Variants in CCDC60 observed in about 807,000 individuals in gnomAD.
CCDC60 encodes the protein coiled-coil domain containing 60.
Under a neutral mutation model 63.5 loss-of-function variants are expected in CCDC60, and 54 were observed. That is an observed-to-expected ratio of 0.85 (90% CI 0.68 to 1.07). The LOEUF is 1.07. Ranked by LOEUF, CCDC60 falls within the 50% of genes least tolerant of loss-of-function variation. The probability of loss-of-function intolerance (pLI) is 0.00; values close to 1 mark genes in which losing one functional copy is unlikely to be tolerated. For missense variants in CCDC60, 651 were observed against 684.3 expected (o/e 0.95, Z 0.54); for synonymous variants, 206 against 238.8 (o/e 0.86, Z 1.27).
intron 3 of CCDC60, among the ~76,000 whole-genome samples, chr12:119,476,894 T>G (rs1469181941): frequency 6.6e-6 from 1 of 152,244 alleles, no homozygotes. Flanking sequence ...CCCAGTTAAT[T>G]TCCATTCAAC....
At chr12:119,504,159 A>G (rs1445786997) in intron 6 of CCDC60, among the ~76,000 whole-genome samples, 1 of 152,176 alleles carries the variant, frequency 6.6e-6, no homozygotes, top group Non-Finnish European at 1.5e-5. Flanking sequence ...AGGCATAGTA[A>G]TGAGCTTTGG....
chr12:119,423,828 G>T (rs529042691), intron 1 of CCDC60, among the ~76,000 whole-genome samples: 3 of 152,098 alleles, frequency 2.0e-5, no homozygotes, highest in Non-Finnish European at 4.4e-5. Flanking sequence ...CTGATTTCCT[G>T]CCTAGACCCT....
chr12:119,518,620 A>T (rs1169144710), intron 8 of CCDC60, among the ~76,000 whole-genome samples: 1 of 152,226 alleles, frequency 6.6e-6, no homozygotes. Context: ...TAGTTCAATG[A>T]AACATTTTAA....
rs758588468 is a variant in CCDC60, at chr12:119,428,762, GGTGA to G, written c.170+6_170+9del. ...CTCAAAAAGGACCTTATACGAAGCC[GGTGA>G]GTGAGCCCAGCAGGGAATGATCCAT... On this transcript the variant is annotated splice_donor_variant and splice_donor_region_variant and intron_variant, in intron 2 of 13. Coordinates refer to ENST00000327554, the MANE Select transcript of CCDC60 (RefSeq NM_178499.5). LOFTEE classifies it high-confidence loss of function. 6 of 1,582,548 alleles carry G rather than the reference GGTGA, an allele frequency of 3.8e-6. No homozygotes were observed. Among genetic ancestry groups the G allele is most frequent in the Non-Finnish European group, 5.2e-6 (6 of 1,157,240 alleles).
At chr12:119,435,950 T>C (rs1043174763) in intron 2 of CCDC60, among the ~76,000 whole-genome samples, 2 of 152,180 alleles carry the variant, frequency 1.3e-5, no homozygotes, top group Non-Finnish European at 2.9e-5. Context: ...TAGGATAGTC[T>C]TGGGCAGAAC....
At chr12:119,349,457 T>C (rs1955632638) in intron 1 of CCDC60, among the ~76,000 whole-genome samples, 1 of 151,252 alleles carries the variant, frequency 6.6e-6, no homozygotes, top group African/African-American at 2.4e-5. Context: ...GCAATTCTCA[T>C]GTCTCAGCCT....
In CCDC60 at chr12:119,410,768, A is replaced by T. The variant is rs1398082397; in HGVS notation, c.91-17915A>T. On this transcript the variant is annotated intron_variant, in intron 1 of 13. Transcript: ENST00000327554. The surrounding 1 kb of genome is among the most constrained non-coding windows in gnomAD (Gnocchi z 4.0). ...AGCATAACAATTTTTTTTGAGACAG[A>T]GTCTCGCTCTGTCACTCGGGCTGCA... Among the ~76,000 whole-genome samples, 1 of 152,030 alleles carries T rather than the reference A, an allele frequency of 6.6e-6. No homozygotes were observed. Among genetic ancestry groups the T allele is most frequent in the Non-Finnish European group, 1.5e-5 (1 of 68,018 alleles).
intron 3 of CCDC60, among the ~76,000 whole-genome samples, chr12:119,473,889 T>A (rs1951119740): frequency 6.6e-6 from 1 of 152,188 alleles, no homozygotes; most frequent in African/African-American, 2.4e-5. Flanking sequence ...TTTGGACTAG[T>A]TCTATATTTT....
chr12:119,352,524 G>T (rs1284337360), intron 1 of CCDC60, among the ~76,000 whole-genome samples: 1 of 152,224 alleles, frequency 6.6e-6, no homozygotes, highest in African/African-American at 2.4e-5. Flanking sequence ...GGATGGAGAA[G>T]CTAACCCTGA....
intron 1 of CCDC60, among the ~76,000 whole-genome samples, chr12:119,404,457 A>T (rs754864096): frequency 6.6e-6 from 1 of 152,100 alleles, no homozygotes; most frequent in African/African-American, 2.4e-5. Context: ...CCTGCCATCA[A>T]TGAGACCCTG....
At chr12:119,426,177 A>T (rs1267704949) in intron 1 of CCDC60, among the ~76,000 whole-genome samples, 3 of 152,130 alleles carry the variant, frequency 2.0e-5, no homozygotes, top group African/African-American at 7.2e-5. Flanking sequence ...GGTATACTGA[A>T]ATGAGCAAGA....
In CCDC60 at chr12:119,522,974, T is replaced by C; in HGVS notation, c.1076T>C (p.Ile359Thr). The C allele has an allele frequency of 6.2e-7, 1 of 1,614,138 alleles. No individual in the cohort carries two copies. Among genetic ancestry groups the C allele is most frequent in the East Asian group, 2.2e-5 (1 of 44,878 alleles). Residue 359 changes from isoleucine (I) to threonine (T), a missense_variant, in exon 10 of 14, where the codon ATC (isoleucine) becomes ACC (threonine). Ile to Thr is a moderately conservative substitution (Grantham distance 89). Transcript: ENST00000327554. ...RSSSTSAESH[I>T]QPVQKKSKNR... ...AGCAGTACAAGTGCAGAAAGCCACA[T>C]CCAACCAGTCCAGAAGAAGTCTAAA...
At chr12:119,379,471 CAGG>C (rs2136184064) in intron 1 of CCDC60, among the ~76,000 whole-genome samples, 1 of 152,288 alleles carries the variant, frequency 6.6e-6, no homozygotes, top group East Asian at 1.9e-4. Context: ...TGTTGGGTTA[CAGG>C]AACAAAAAGG....
At chr12:119,431,473 T>C (rs1379875356) in intron 2 of CCDC60, among the ~76,000 whole-genome samples, 3 of 152,210 alleles carry the variant, frequency 2.0e-5, no homozygotes, top group Admixed American at 6.5e-5. Context: ...GCAAAATATC[T>C]CAAGCACTGA....
intron 5 of CCDC60, among the ~76,000 whole-genome samples, chr12:119,498,328 C>A (rs117783843): frequency 6.6e-6 from 1 of 151,856 alleles, no homozygotes; most frequent in Non-Finnish European, 1.5e-5. Context: ...TTCTGTTCAT[C>A]CTCTTTTTTT....
intron 1 of CCDC60, among the ~76,000 whole-genome samples, chr12:119,359,334 C>T (rs1283604125): frequency 6.6e-6 from 1 of 152,046 alleles, no homozygotes; most frequent in African/African-American, 2.4e-5. Flanking sequence ...GAAACAAGCA[C>T]TGGTGTAGGT....
chr12:119,499,454 T>G (rs895193917), intron 5 of CCDC60, among the ~76,000 whole-genome samples: 3 of 152,246 alleles, frequency 2.0e-5, no homozygotes, highest in Non-Finnish European at 4.4e-5. Context: ...GTAAGTGACT[T>G]AAACTCCCTT....
rs192539961 is a variant in CCDC60 at position 119,461,965 on chromosome 12, A to T, written c.171-10029A>T. Among the ~76,000 whole-genome samples the T allele has an allele frequency of 1.2e-3, 177 of 152,346 alleles. 1 individual carries two copies. Among genetic ancestry groups the T allele is most frequent in the African/African-American group, 4.1e-3 (171 of 41,584 alleles). ...CAAGCTCGTTGAATGAACATCCTGC[A>T]GCCTGAAGTTCCCAGAATAGACTGG... On this transcript the variant is annotated intron_variant, in intron 2 of 13. Transcript: ENST00000327554.
intron 1 of CCDC60, among the ~76,000 whole-genome samples, chr12:119,406,204 T>TAGAG (rs34447665): frequency 6.9e-6 from 1 of 145,160 alleles, no homozygotes; most frequent in African/African-American, 2.6e-5. Flanking sequence ...TATATATATA[T>TAGAG]AGAGAGAGAG....
Sources: gnomAD v4.1 joint callset for allele counts (sites outside exome capture counted in the v4.1 genomes callset) on GRCh38, gnomAD v4.1.1 for gene constraint, Gnocchi (gnomAD v3.1) non-coding constraint, MANE v1.5 for transcripts, NCBI Gene and HGNC (gene_info 2026-07-23, HGNC 2026-07-21) for gene names.